The following THADA variants were observed in gnomAD, a reference collection of about 807,000 sequenced individuals.
THADA encodes the protein THADA armadillo repeat containing.
Under a neutral mutation model 219.8 loss-of-function variants are expected in THADA, and 213 were observed. That is an observed-to-expected ratio of 0.97 (90% CI 0.87 to 1.09). The LOEUF (loss-of-function observed/expected upper bound fraction) is 1.09. Among genes scored for constraint, THADA ranks in the 50% least tolerant of loss-of-function variants. The probability of loss-of-function intolerance (pLI) is 0.00; values close to 1 mark genes in which losing one functional copy is unlikely to be tolerated. For missense variants in THADA, 2,956 were observed against 2,311.3 expected, an observed-to-expected ratio of 1.28 and a Z score of -5.72; for synonymous variants, 1,018 against 828.9, an observed-to-expected ratio of 1.23 and a Z score of -3.92.
At chr2:43,271,549 T>C (rs928548265) in intron 36 of THADA, among the ~76,000 whole-genome samples, 2 of 152,004 alleles carry the variant, frequency 1.3e-5, no homozygotes, top group African/African-American at 4.8e-5. Context: ...GAGAATCTAT[T>C]ATGTGCCAAG....
At chr2:43,274,914 C>G (rs376382722) in intron 36 of THADA, among the ~76,000 whole-genome samples, 2 of 151,998 alleles carry the variant, frequency 1.3e-5, no homozygotes, top group East Asian at 3.8e-4. Context: ...AAATCTGGCA[C>G]GCCTTAAAAT....
rs1177945756 is a variant in THADA at position 43,541,346 on chromosome 2, A to G, written c.3107-30T>C. 3 of 1,609,612 alleles carry G rather than the reference A, an allele frequency of 1.9e-6. No homozygotes were observed. The African/African-American group carries it at 4.0e-5, about 22-fold the overall frequency. On this transcript the variant is annotated intron_variant, in intron 20 of 37. Transcript: ENST00000405975. ...AACAAAAAAAAACACAACGATTGCA[A>G]CCTTGATTACTCATATCCCAGGTTT...
chr2:43,248,154 TATATATATATAGAGAGAGAGAGAGAGAG>T (rs1261880944), intron 36 of THADA, among the ~76,000 whole-genome samples: 58 of 85,226 alleles, frequency 6.8e-4, no homozygotes, highest in Middle Eastern at 5.6e-3. Context: ...TATATATATA[TATATATATATAGAGAGAGAGAGAGAGAG>T]AGAGAGAGAG....
intron 29 of THADA, among the ~76,000 whole-genome samples, chr2:43,345,020 C>T (rs975600208): frequency 1.8e-4 from 27 of 152,228 alleles, no homozygotes; most frequent in African/African-American, 6.3e-4. Context: ...CAAGAGAAAT[C>T]CTTCAGTCTC....
chr2:43,503,869 G>C (rs931173040), intron 24 of THADA, among the ~76,000 whole-genome samples: 7 of 152,066 alleles, frequency 4.6e-5, no homozygotes, highest in South Asian at 2.1e-4. Context: ...TTAAAACCAA[G>C]CCCCATTATT....
At chr2:43,368,272 G>C (rs766660956) in intron 29 of THADA, among the ~76,000 whole-genome samples, 4 of 152,148 alleles carry the variant, frequency 2.6e-5, no homozygotes, top group Non-Finnish European at 4.4e-5. Flanking sequence ...AGGTACAAAA[G>C]TTCATTTTAT....
chr2:43,589,312 A>G (rs535373326), intron 4 of THADA, among the ~76,000 whole-genome samples: 1 of 152,350 alleles, frequency 6.6e-6, no homozygotes, highest in East Asian at 1.9e-4. Flanking sequence ...AAATCCTGTC[A>G]TATGCTATAA....
intron 26 of THADA, among the ~76,000 whole-genome samples, chr2:43,459,804 T>C (rs1309618932): frequency 2.0e-5 from 3 of 152,296 alleles, no homozygotes; most frequent in East Asian, 3.9e-4. Context: ...AGTTAGGGCA[T>C]TCACTACTGT....
rs1668253663 is a variant in THADA, at chr2:43,238,152, AG to A, written c.5297-5271del. On this transcript the variant is annotated intron_variant, in intron 36 of 37. Coordinates refer to ENST00000405975, the MANE Select transcript of THADA (RefSeq NM_022065.5). ...AAAAAAAAAAAAAAAAAAAAAAAAA[AG>A]GAAGGAAAGAAGGAAGGGAGGGAGG... 2.9e-3 allele frequency among the ~76,000 whole-genome samples: 409 copies of A among 140,034 alleles called. 1 individual carries two copies. Among genetic ancestry groups the A allele is most frequent in the African/African-American group, 9.8e-3 (364 of 37,180 alleles). The allele number at this position is 140,034 out of a possible 152,430, so 91.9% of individuals were successfully genotyped here.
intron 35 of THADA, among the ~76,000 whole-genome samples, chr2:43,285,342 T>G (rs1318587870): frequency 6.6e-6 from 1 of 152,188 alleles, no homozygotes; most frequent in Non-Finnish European, 1.5e-5. Context: ...GCTATTCTCA[T>G]GACAGTGAGT....
intron 36 of THADA, among the ~76,000 whole-genome samples, chr2:43,245,752 G>C (rs1466216478): frequency 1.3e-5 from 2 of 152,222 alleles, no homozygotes; most frequent in Non-Finnish European, 2.9e-5. Context: ...CAGAGCTCAA[G>C]AAAGGGGACT....
Position 43,586,803 on chromosome 2 carries a change from A to G in THADA, c.451+51T>C, listed in dbSNP as rs1398035906. The G allele has an allele frequency of 2.5e-6, 4 of 1,611,576 alleles. No homozygotes were observed. The African/African-American group carries it at 4.0e-5, about 16-fold the overall frequency. Reference sequence around the variant, plus strand: ...AAATCAATGTCATTTAAAAACTATGATGTGATGAGAGGGGTTAGCCAGAAA... The same window carrying G: ...AAATCAATGTCATTTAAAAACTATGGTGTGATGAGAGGGGTTAGCCAGAAA... On this transcript the variant is annotated intron_variant, in intron 5 of 37. Coordinates refer to ENST00000405975, the MANE Select transcript of THADA (RefSeq NM_022065.5).
intron 36 of THADA, among the ~76,000 whole-genome samples, chr2:43,236,889 G>A (rs1427750092): frequency 8.3e-5 from 12 of 144,654 alleles, no homozygotes; most frequent in African/African-American, 2.7e-4. Context: ...GTGAAACCCC[G>A]TCTCTACTAA....
intron 26 of THADA, among the ~76,000 whole-genome samples, chr2:43,436,135 A>G (rs1212578597): frequency 6.6e-6 from 1 of 152,222 alleles, no homozygotes; most frequent in Admixed American, 6.5e-5. Flanking sequence ...AAATTTATAA[A>G]AATGCCTTGT....
At chr2:43,332,864 C>T (rs1665949491) in intron 30 of THADA, among the ~76,000 whole-genome samples, 1 of 152,280 alleles carries the variant, frequency 6.6e-6, no homozygotes. Context: ...TAGAAAGCAT[C>T]AGCAGTTGGG....
chr2:43,381,567 A>G (rs1672032027), intron 29 of THADA, among the ~76,000 whole-genome samples: 1 of 151,894 alleles, frequency 6.6e-6, no homozygotes, highest in Non-Finnish European at 1.5e-5. Context: ...TAATGTTAAC[A>G]TCAACAGTGA....
At chr2:43,378,715 C>T (rs1262860153) in intron 29 of THADA, among the ~76,000 whole-genome samples, 4 of 152,152 alleles carry the variant, frequency 2.6e-5, no homozygotes, top group Non-Finnish European at 5.9e-5. Context: ...AAGCGATTTT[C>T]CTGCCTCAGC....
At chr2:43,295,535 A>G (rs1364869417) in intron 31 of THADA, among the ~76,000 whole-genome samples, 1 of 152,240 alleles carries the variant, frequency 6.6e-6, no homozygotes, top group African/African-American at 2.4e-5. Flanking sequence ...TCTCTGATAA[A>G]TCCTGACAAC....
rs554245629 is a variant in THADA, at chr2:43,585,032, G to T, written c.533+1369C>A. Among the ~76,000 whole-genome samples the T allele has an allele frequency of 1.5e-4, 23 of 152,300 alleles. No homozygotes were observed. In the South Asian group the frequency reaches 4.3e-3, roughly 29 times the overall value. On this transcript the variant is annotated intron_variant, in intron 7 of 37. Coordinates refer to ENST00000405975, the MANE Select transcript of THADA (RefSeq NM_022065.5). ...AGAATATTAAGACAATGGTTTGGAAGAGTCTTCCGTGGCAAATCCAGTACC... is the reference window on the plus strand; with the variant it reads ...AGAATATTAAGACAATGGTTTGGAATAGTCTTCCGTGGCAAATCCAGTACC...
Sources: allele counts gnomAD v4.1 joint callset (sites outside exome capture counted in the v4.1 genomes callset), GRCh38; gene constraint gnomAD v4.1.1; transcripts MANE v1.5; gene names NCBI Gene and HGNC (gene_info 2026-07-23, HGNC 2026-07-21).